LYN: variants seen among roughly 807,000 people sequenced by gnomAD.
The protein encoded by LYN is tyrosine-protein kinase Lyn.
In LYN, 12 loss-of-function variants were observed where a neutral mutation model predicts 65.0. The ratio of observed to expected loss-of-function variants is 0.18; its 90% CI spans 0.12 to 0.30. The LOEUF (loss-of-function observed/expected upper bound fraction) is 0.30. LYN is among the 10% of genes least tolerant of loss of function. The probability of loss-of-function intolerance (pLI) is 1.00; values close to 1 mark genes in which losing one functional copy is unlikely to be tolerated. For missense variants in LYN, 380 were observed against 623.2 expected, an observed-to-expected ratio of 0.61 and a Z score of 4.16; for synonymous variants, 222 against 221.2, an observed-to-expected ratio of 1.00 and a Z score of -0.03.
intron 4 of LYN, among the ~76,000 whole-genome samples, chr8:55,948,004 C>T (rs899841684): frequency 2.0e-5 from 3 of 151,708 alleles, no homozygotes; most frequent in Non-Finnish European, 4.4e-5. Context: ...GATGGGATCT[C>T]TCTCTGTCAT....
intron 12 of LYN, among the ~76,000 whole-genome samples, chr8:56,006,706 G>A (rs1051821643): frequency 1.3e-5 from 2 of 152,206 alleles, no homozygotes; most frequent in African/African-American, 4.8e-5. Context: ...CCCATAGTGA[G>A]CACTCAGTGT....
At chr8:56,001,526 G>T (rs1237066028) in intron 12 of LYN, among the ~76,000 whole-genome samples, 1 of 152,156 alleles carries the variant, frequency 6.6e-6, no homozygotes, top group Non-Finnish European at 1.5e-5. Flanking sequence ...CCTTTGGGTG[G>T]TGTCTGCCTG....
Position 55,991,700 on chromosome 8 carries a change from C to T in LYN, c.1051-6646C>T, listed in dbSNP as rs574370808. On this transcript the variant is annotated intron_variant, in intron 10 of 12. Transcript: ENST00000519728. ...CTTTGTCATCAGCTTCAGGCACAGG[C>T]GTTTTCAGGAAACAATCACCTTGCT... is the stretch of plus-strand genomic sequence containing the variant. Among the ~76,000 whole-genome samples the T allele has an allele frequency of 5.3e-5, 8 of 152,108 alleles. No individual in the cohort carries two copies. In the South Asian group the frequency reaches 6.2e-4, roughly 12 times the overall value.
rs200336718 is a variant in LYN, at chr8:55,999,572, C to T, written c.1336+23C>T. ...CAGGTATGGTTTACTTAGCTATTTA[C>T]AATCAAGCTGTATAAATGAGAAAAA... On this transcript the variant is annotated intron_variant, in intron 12 of 12. Transcript: ENST00000519728. 9 of 1,610,552 alleles carry T rather than the reference C, an allele frequency of 5.6e-6. No homozygotes were observed. In the African/African-American group the frequency reaches 1.2e-4, roughly 22 times the overall value.
chr8:55,929,509 A>T (rs1378537411), intron 1 of LYN, among the ~76,000 whole-genome samples: 2 of 152,226 alleles, frequency 1.3e-5, no homozygotes, highest in African/African-American at 4.8e-5. Context: ...TTCATGAATG[A>T]GTAAGAAAGC....
At chr8:55,980,934 C>T (rs1351382218) in intron 10 of LYN, among the ~76,000 whole-genome samples, 2 of 152,194 alleles carry the variant, frequency 1.3e-5, no homozygotes, top group Non-Finnish European at 2.9e-5. Context: ...ATGCCAGCTC[C>T]CCGCGGCCGC....
intron 1 of LYN, among the ~76,000 whole-genome samples, chr8:55,939,790 AG>A (rs1029671433): frequency 1.2e-4 from 18 of 152,262 alleles, no homozygotes; most frequent in Admixed American, 2.0e-4. Flanking sequence ...GGGGCGTGGG[AG>A]GGATGAGACT....
chr8:55,914,656 G>C (rs763357103), intron 1 of LYN, among the ~76,000 whole-genome samples: 4 of 152,128 alleles, frequency 2.6e-5, no homozygotes, highest in Non-Finnish European at 5.9e-5. Flanking sequence ...TGGCCATAGT[G>C]GTGATTATGT....
At chr8:55,988,384 G>A (rs1201691508) in intron 10 of LYN, among the ~76,000 whole-genome samples, 1 of 151,324 alleles carries the variant, frequency 6.6e-6, no homozygotes, top group African/African-American at 2.4e-5. Context: ...GTCAGTTTGG[G>A]ATTGACTCCA....
chr8:55,998,230 T>A, intron 10 of LYN, 116 bp from the exon 11 acceptor site: 1 of 720,676 alleles, frequency 1.4e-6, no homozygotes, highest in Non-Finnish European at 2.3e-6. Context: ...AGCTGAATGA[T>A]CAAAATAGTA....
chr8:55,938,228 C>T (rs151105686), intron 1 of LYN, among the ~76,000 whole-genome samples: 146 of 152,184 alleles, frequency 9.6e-4, no homozygotes, highest in Non-Finnish European at 1.7e-3. Flanking sequence ...GCTGCCTGGC[C>T]GTTTGTGTCT....
At chr8:55,921,527 A>G (rs968104609) in intron 1 of LYN, among the ~76,000 whole-genome samples, 4 of 152,212 alleles carry the variant, frequency 2.6e-5, no homozygotes, top group African/African-American at 9.6e-5. Context: ...GAGAGAAGAA[A>G]TCTGAGGGGA....
chr8:55,922,475 C>T (rs563141106), intron 1 of LYN, among the ~76,000 whole-genome samples: 5 of 151,968 alleles, frequency 3.3e-5, no homozygotes, highest in South Asian at 2.1e-4. Flanking sequence ...AGACAGTCTC[C>T]GAAGAATTAT....
At chr8:55,917,970 C>T (rs935773993) in intron 1 of LYN, among the ~76,000 whole-genome samples, 7 of 152,182 alleles carry the variant, frequency 4.6e-5, no homozygotes, top group Admixed American at 3.3e-4. Context: ...CTAGCTTAAG[C>T]AGAAATGGGG....
chr8:56,005,206 A>G (rs1808639499), intron 12 of LYN, among the ~76,000 whole-genome samples: 1 of 152,148 alleles, frequency 6.6e-6, no homozygotes, highest in Admixed American at 6.5e-5. Flanking sequence ...TACTTTAGAG[A>G]CATCCTATAA....
chr8:55,946,545 T>G (rs777619051), intron 3 of LYN, 52 bp downstream of exon 3: 56 of 1,075,428 alleles, frequency 5.2e-5, no homozygotes, highest in Admixed American at 4.4e-4. Flanking sequence ...CTATTAGAGC[T>G]TCTATAAAGT....
chr8:55,946,557 A>C (rs1477016461), intron 3 of LYN, 64 bp downstream of exon 3: 1 of 987,956 alleles, frequency 1.0e-6, no homozygotes, highest in East Asian at 2.4e-5. Context: ...CTATAAAGTG[A>C]TTGTCCTAAA....
At chr8:55,910,680 G>A (rs543947337) in intron 1 of LYN, among the ~76,000 whole-genome samples, 1 of 152,188 alleles carries the variant, frequency 6.6e-6, no homozygotes, top group Non-Finnish European at 1.5e-5. Context: ...TAATTTCTAA[G>A]ATATATTCAG....
At chr8:55,981,554 C>T (rs1478498176) in intron 10 of LYN, among the ~76,000 whole-genome samples, 1 of 152,170 alleles carries the variant, frequency 6.6e-6, no homozygotes, top group African/African-American at 2.4e-5. Flanking sequence ...TAGGGTCTCA[C>T]TACATTGTTT....
Sources: allele counts gnomAD v4.1 joint callset (sites outside exome capture counted in the v4.1 genomes callset), GRCh38; gene constraint gnomAD v4.1.1; transcripts MANE v1.5; gene names NCBI Gene and HGNC (gene_info 2026-07-23, HGNC 2026-07-21).